EFHB: variants seen among roughly 807,000 people sequenced by gnomAD.
EFHB encodes the protein EF-hand domain-containing family member B.
In EFHB, 91 loss-of-function variants were observed where a neutral mutation model predicts 87.2. The observed-to-expected ratio is 1.04, with a 90% confidence interval of 0.88 to 1.24. EFHB has a LOEUF of 1.24. Ranked by LOEUF, EFHB falls within the 50% of genes most tolerant of loss-of-function variation. The pLI is 0.00. For missense variants in EFHB, 1,084 were observed against 998.8 expected, an observed-to-expected ratio of 1.09 and a Z score of -1.15; for synonymous variants, 325 against 333.6, an observed-to-expected ratio of 0.97 and a Z score of 0.28.
intron 5 of EFHB, among the ~76,000 whole-genome samples, chr3:19,906,202 A>C (rs919437866): frequency 2.0e-5 from 3 of 152,078 alleles, no homozygotes; most frequent in Non-Finnish European, 4.4e-5. Context: ...GATGGCATGC[A>C]CCTGTAATCC....
At chr3:19,937,981 T>A (rs183120719), upstream of EFHB, among the ~76,000 whole-genome samples, 2 of 152,294 alleles carry the variant, frequency 1.3e-5, no homozygotes, top group Non-Finnish European at 2.9e-5. Context: ...GTTTTATGCT[T>A]TGACCCAAAA....
chr3:19,910,683 T>G (rs535515775), intron 5 of EFHB, among the ~76,000 whole-genome samples: 1 of 152,212 alleles, frequency 6.6e-6, no homozygotes, highest in East Asian at 1.9e-4. Context: ...TCTGATCCAA[T>G]ACAGTCAGCA....
chr3:19,906,561 C>T (rs2929374), intron 5 of EFHB, among the ~76,000 whole-genome samples: 60,183 of 151,852 alleles, frequency 0.4, 12,162 homozygotes, highest in African/African-American at 0.45. Flanking sequence ...GAAGAGGACA[C>T]AAATAAAATG....
At chr3:19,905,943 A>T (rs1399275392) in intron 5 of EFHB, among the ~76,000 whole-genome samples, 194 bp from the exon 6 acceptor site, 1 of 152,212 alleles carries the variant, frequency 6.6e-6, no homozygotes, top group African/African-American at 2.4e-5. Context: ...GACTGGTGGG[A>T]TGCTACACAC....
chr3:19,909,703 G>A (rs1694989874), intron 5 of EFHB, among the ~76,000 whole-genome samples: 1 of 152,044 alleles, frequency 6.6e-6, no homozygotes, highest in Admixed American at 6.6e-5. Flanking sequence ...GGAGAGGAGA[G>A]GGAAGAGCAG....
intron 3 of EFHB, 27 bp from the exon 4 acceptor site, chr3:19,918,439 A>G (rs1027557970): frequency 6.5e-7 from 1 of 1,537,994 alleles, no homozygotes; most frequent in Non-Finnish European, 8.7e-7. Context: ...ATGCACAAAT[A>G]TATCAACAAA....
At chr3:19,884,686 G>C in intron 10 of EFHB, 71 bp from the exon 11 acceptor site, 1 of 1,454,926 alleles carries the variant, frequency 6.9e-7, no homozygotes, top group South Asian at 1.3e-5. Flanking sequence ...CTCTGTAACA[G>C]GATAAGTTTT....
chr3:19,904,973 T>C (rs1694791937), intron 6 of EFHB, among the ~76,000 whole-genome samples: 2 of 152,312 alleles, frequency 1.3e-5, no homozygotes, highest in South Asian at 2.1e-4. Context: ...AATGAAAAAC[T>C]AATGACCCAA....
intron 1 of EFHB, among the ~76,000 whole-genome samples, chr3:19,926,249 CT>C (rs1695618686): frequency 6.6e-6 from 1 of 152,170 alleles, no homozygotes; most frequent in Non-Finnish European, 1.5e-5. Context: ...TCTCCAGTCT[CT>C]AAGTTCCTTG....
intron 10 of EFHB, 41 bp from the exon 11 acceptor site, chr3:19,884,656 T>C: frequency 6.3e-7 from 1 of 1,575,528 alleles, no homozygotes; most frequent in Non-Finnish European, 8.7e-7. Flanking sequence ...CAGGAATACA[T>C]TACTACTTAG....
intron 1 of EFHB, among the ~76,000 whole-genome samples, chr3:19,921,091 T>C (rs575590817): frequency 3.9e-5 from 6 of 152,154 alleles, no homozygotes; most frequent in African/African-American, 1.4e-4. Context: ...AGAAAGAAAC[T>C]AACTTCCCAT....
rs758867243 is a variant in EFHB, at chr3:19,933,483, A to C, written c.536T>G (p.Leu179Ter). 3.7e-6 allele frequency: 6 copies of C among 1,613,878 alleles called. No individual in the cohort carries two copies. The highest frequency in any genetic ancestry group is 4.2e-6 in the Non-Finnish European group (5 of 1,179,900). Residue 179 changes from leucine to a stop codon, truncating the protein, a stop_gained, in exon 1 of 13, where the codon TTA (leucine) becomes TGA (stop). Coordinates refer to ENST00000295824, the MANE Select transcript of EFHB (RefSeq NM_144715.4). LOFTEE classifies it high-confidence loss of function. ...CTTAATCTCTGTGTTGGGTTTCATT[A>C]AAACACAGGTAGACTCTTTTTCCAT... ...QEMEKESTCV[L>*]MKPNTEIKLP...
In EFHB at chr3:19,919,701, C is replaced by T. The variant is rs1234149108; in HGVS notation, c.996+132G>A. ...GCTCAAGATAAATGCTTTTGGAAGACAGATTGAGAAAAGCCTAGTAAAAAT... is the reference window on the plus strand; with the variant it reads ...GCTCAAGATAAATGCTTTTGGAAGATAGATTGAGAAAAGCCTAGTAAAAAT... On this transcript the variant is annotated intron_variant, in intron 3 of 12. Coordinates refer to ENST00000295824, the MANE Select transcript of EFHB (RefSeq NM_144715.4). The T allele has an allele frequency of 1.5e-5, 14 of 907,226 alleles. No individual in the cohort carries two copies. The East Asian group carries it at 3.3e-4, about 21-fold the overall frequency. 56.2% of individuals were successfully genotyped at this position (907,226 alleles called of 1,614,324 possible).
chr3:19,943,033 C>A, intron 1 of EFHB: 1 of 317,488 alleles, frequency 3.1e-6, no homozygotes, highest in South Asian at 3.6e-5. Context: ...TATTCACTAC[C>A]ATGAAGGGCC....
chr3:19,893,019 T>C (rs941646482), intron 9 of EFHB, among the ~76,000 whole-genome samples: 1 of 151,828 alleles, frequency 6.6e-6, no homozygotes, highest in African/African-American at 2.4e-5. Flanking sequence ...TGGTGTGATC[T>C]CAGCTCACTG....
At chr3:19,894,381 C>G (rs1448284285) in intron 9 of EFHB, 1 of 152,184 alleles carries the variant, frequency 6.6e-6, no homozygotes, top group African/African-American at 2.4e-5. Context: ...AACTCTCCCT[C>G]TAGATTTTCC....
intron 1 of EFHB, among the ~76,000 whole-genome samples, chr3:19,929,207 C>CT (rs34805655): frequency 2.3e-4 from 33 of 146,506 alleles, no homozygotes; most frequent in Admixed American, 4.1e-4. Flanking sequence ...TTTTTTTTAA[C>CT]TTTTTTTTTT....
intron 4 of EFHB, among the ~76,000 whole-genome samples, chr3:19,917,443 T>G (rs1695272609): frequency 6.6e-6 from 1 of 152,120 alleles, no homozygotes; most frequent in Admixed American, 6.6e-5. Context: ...AGCCTTTCGG[T>G]GAACAAAGCT....
chr3:19,933,097 A>G lies in EFHB; in HGVS notation c.789+133T>C, dbSNP rs112108840. Reference sequence around the variant, plus strand: ...ACATCTGCAAAGATTCCAGTGGGGCAAGAAATATAGGAATCTCATAAAATC... The same window carrying G: ...ACATCTGCAAAGATTCCAGTGGGGCGAGAAATATAGGAATCTCATAAAATC... On this transcript the variant is annotated intron_variant, in intron 1 of 12. Transcript: ENST00000295824. The G allele has an allele frequency of 2.4e-3, 2,785 of 1,156,324 alleles. 6 individuals are homozygous for G. The highest frequency in any genetic ancestry group is 3.1e-3 in the Non-Finnish European group (2,595 of 845,020). The allele number at this position is 1,156,324 out of a possible 1,614,324, so 71.6% of individuals were successfully genotyped here. A position where few individuals can be genotyped will look rare whatever the true frequency, so the allele number is the denominator to read the frequency against.
Sources: gnomAD v4.1 joint callset for allele counts (sites outside exome capture counted in the v4.1 genomes callset) on GRCh38, gnomAD v4.1.1 for gene constraint, MANE v1.5 for transcripts, NCBI Gene and HGNC (gene_info 2026-07-23, HGNC 2026-07-21) for gene names.